Variants in TSHZ2 observed in about 807,000 individuals in gnomAD.
TSHZ2 encodes the protein teashirt homolog 2.
TSHZ2 carries 21 observed loss-of-function variants against 74.4 expected under a neutral mutation model. That is an observed-to-expected ratio of 0.28 (90% CI 0.20 to 0.41). The LOEUF (loss-of-function observed/expected upper bound fraction) is 0.41, where lower values mean the gene tolerates loss of function less well. Among genes scored for constraint, TSHZ2 ranks in the 10% least tolerant of loss-of-function variants. TSHZ2 has a pLI of 1.00. For missense variants in TSHZ2, 1,244 were observed against 1,293.5 expected, an observed-to-expected ratio of 0.96 and a Z score of 0.59; for synonymous variants, 540 against 515.3, an observed-to-expected ratio of 1.05 and a Z score of -0.65.
chr20:53,187,738 GAAA>G (rs11475445), intron 1 of TSHZ2, among the ~76,000 whole-genome samples: 2 of 146,000 alleles, frequency 1.4e-5, no homozygotes, highest in Non-Finnish European at 3.0e-5. Flanking sequence ...TGATGGGAAA[GAAA>G]AAAAAAAATA....
intron 2 of TSHZ2, among the ~76,000 whole-genome samples, chr20:53,305,701 C>T (rs1012803891): frequency 3.3e-5 from 5 of 152,054 alleles, no homozygotes; most frequent in Non-Finnish European, 5.9e-5. Flanking sequence ...TTTGGCTGGC[C>T]GGGTGCGGTG....
At chr20:53,207,042 A>T (rs1989186145) in intron 1 of TSHZ2, among the ~76,000 whole-genome samples, 1 of 152,094 alleles carries the variant, frequency 6.6e-6, no homozygotes, top group Non-Finnish European at 1.5e-5. Flanking sequence ...CACCTGCTCA[A>T]CCTGACAAAT....
At chr20:53,352,413 T>C (rs941467162) in intron 2 of TSHZ2, among the ~76,000 whole-genome samples, 1 of 151,970 alleles carries the variant, frequency 6.6e-6, no homozygotes, top group Non-Finnish European at 1.5e-5. Context: ...TAGGCTAAAT[T>C]GTTAATAGCT....
At chr20:53,020,424 G>A (rs982079182) in intron 1 of TSHZ2, among the ~76,000 whole-genome samples, 1 of 152,154 alleles carries the variant, frequency 6.6e-6, no homozygotes, top group Non-Finnish European at 1.5e-5. Flanking sequence ...GCCATGTAGA[G>A]CCTAACAGCT....
chr20:53,213,522 T>C (rs753730746), intron 1 of TSHZ2, among the ~76,000 whole-genome samples: 12 of 151,690 alleles, frequency 7.9e-5, no homozygotes, highest in Non-Finnish European at 1.3e-4. Context: ...ACAAGAAAAA[T>C]TGAACTCTAT....
chr20:53,092,928 G>A (rs1985928154), intron 1 of TSHZ2, among the ~76,000 whole-genome samples: 1 of 152,164 alleles, frequency 6.6e-6, no homozygotes, highest in Non-Finnish European at 1.5e-5. Flanking sequence ...CTATAGACTA[G>A]GTAAACAAAT....
intron 2 of TSHZ2, among the ~76,000 whole-genome samples, chr20:53,428,103 T>C (rs768147138): frequency 3.9e-5 from 6 of 152,200 alleles, no homozygotes; most frequent in Non-Finnish European, 7.3e-5. Flanking sequence ...TCTCCAGCAC[T>C]GATTCCAGGA....
intron 1 of TSHZ2, among the ~76,000 whole-genome samples, chr20:53,164,706 A>C (rs1335774919): frequency 1.3e-5 from 2 of 152,240 alleles, no homozygotes; most frequent in African/African-American, 4.8e-5. Flanking sequence ...GATTAAATGA[A>C]ATACTAGCCT....
intron 1 of TSHZ2, among the ~76,000 whole-genome samples, chr20:53,046,896 G>A (rs1289411891): frequency 6.6e-6 from 1 of 152,202 alleles, no homozygotes; most frequent in African/African-American, 2.4e-5. Context: ...CTTAATGCAT[G>A]TTATGAACAG....
intron 2 of TSHZ2, among the ~76,000 whole-genome samples, chr20:53,333,459 CTTT>C (rs780903034): frequency 4.3e-5 from 6 of 139,138 alleles, no homozygotes; most frequent in Non-Finnish European, 4.7e-5. Context: ...AGCATGGTTT[CTTT>C]TTTTTTTTTT....
chr20:53,431,323 G>A (rs1983841416), intron 2 of TSHZ2, among the ~76,000 whole-genome samples: 1 of 152,086 alleles, frequency 6.6e-6, no homozygotes, highest in African/African-American at 2.4e-5. Flanking sequence ...AGATGTGGTG[G>A]CACATGCCTG....
At chr20:53,479,729 G>A (rs6097442) in intron 2 of TSHZ2, among the ~76,000 whole-genome samples, 11 of 152,016 alleles carry the variant, frequency 7.2e-5, no homozygotes, top group African/African-American at 2.2e-4. Context: ...TGTCCTCCAC[G>A]CCCAATGGGC....
rs570235230 is a variant in TSHZ2 at position 53,074,130 on chromosome 20, C to T, written c.40+100797C>T. On this transcript the variant is annotated intron_variant, in intron 1 of 2. Transcript: ENST00000371497. This position sits in a 1 kb window ranked among gnomAD's most constrained non-coding sequence, Gnocchi z 5.9. ...TCACCTTCATGACATCCTTGGTGAA[C>T]TCTTATGTATCTTTTAAACTGCTGT... Among the ~76,000 whole-genome samples, 1 of 152,344 alleles carries T rather than the reference C, an allele frequency of 6.6e-6. No homozygotes were observed. The highest frequency in any genetic ancestry group is 2.4e-5 in the African/African-American group (1 of 41,586).
In TSHZ2 at chr20:53,430,908, T is replaced by A. The variant is rs573704228; in HGVS notation, c.*9-56236T>A. On this transcript the variant is annotated intron_variant, in intron 2 of 2. Coordinates refer to ENST00000371497, the MANE Select transcript of TSHZ2 (RefSeq NM_173485.6). The stretch of plus-strand genomic sequence containing the variant: ...CTAGCTGGGACTACAGGTATGCGTC[T>A]CCACGCCCAGCTAATTTTTGTATTT... Among the ~76,000 whole-genome samples the A allele has an allele frequency of 4.2e-3, 633 of 152,066 alleles. 3 individuals are homozygous for A. The highest frequency in any genetic ancestry group is 0.014 in the African/African-American group (585 of 41,516).
chr20:53,304,706 A>G (rs1978450156), intron 2 of TSHZ2, among the ~76,000 whole-genome samples: 1 of 152,144 alleles, frequency 6.6e-6, no homozygotes, highest in Non-Finnish European at 1.5e-5. Context: ...ATCTTGGCTC[A>G]CTGCAACCTC....
intron 2 of TSHZ2, among the ~76,000 whole-genome samples, chr20:53,383,653 C>T (rs1321940288): frequency 2.0e-5 from 3 of 152,012 alleles, no homozygotes; most frequent in African/African-American, 7.2e-5. Flanking sequence ...CCCAGCTACT[C>T]GGGAGGCTGA....
At chr20:53,343,086 C>T (rs1980284044) in intron 2 of TSHZ2, among the ~76,000 whole-genome samples, 1 of 151,178 alleles carries the variant, frequency 6.6e-6, no homozygotes, top group African/African-American at 2.4e-5. Context: ...CCTGCCTCAG[C>T]CTCCCAAGTA....
chr20:53,014,401 T>C (rs1982962294), intron 1 of TSHZ2, among the ~76,000 whole-genome samples: 1 of 152,130 alleles, frequency 6.6e-6, no homozygotes, highest in African/African-American at 2.4e-5. Flanking sequence ...TAGCAGCATG[T>C]TGAAGTGATT....
intron 2 of TSHZ2, among the ~76,000 whole-genome samples, chr20:53,366,203 G>A (rs1327449129): frequency 2.0e-5 from 3 of 152,176 alleles, no homozygotes; most frequent in Admixed American, 6.5e-5. Context: ...TACTTGGTCC[G>A]GGATTCACTG....
Sources: gnomAD v4.1 joint callset for allele counts (sites outside exome capture counted in the v4.1 genomes callset) on GRCh38, gnomAD v4.1.1 for gene constraint, Gnocchi (gnomAD v3.1) non-coding constraint, MANE v1.5 for transcripts, NCBI Gene and HGNC (gene_info 2026-07-23, HGNC 2026-07-21) for gene names.